Variants in CALCRL observed in about 807,000 individuals in gnomAD.
CALCRL encodes calcitonin receptor like receptor.
CALCRL carries 27 observed loss-of-function variants against 60.4 expected under a neutral mutation model. The ratio of observed to expected loss-of-function variants is 0.45; its 90% CI spans 0.33 to 0.62. The LOEUF (loss-of-function observed/expected upper bound fraction) is 0.62. Ranked by LOEUF, CALCRL falls within the 20% of genes least tolerant of loss-of-function variation. CALCRL has a pLI of 0.03. For missense variants in CALCRL, 424 were observed against 540.7 expected, an observed-to-expected ratio of 0.78 and a Z score of 2.14; for synonymous variants, 190 against 182.6, an observed-to-expected ratio of 1.04 and a Z score of -0.33.
intron 1 of CALCRL, among the ~76,000 whole-genome samples, chr2:187,437,480 C>T (rs1462855836): frequency 6.6e-6 from 1 of 152,138 alleles, no homozygotes; most frequent in Non-Finnish European, 1.5e-5. Context: ...GTGCCTTTTA[C>T]ATTATTTCAT....
intron 5 of CALCRL, among the ~76,000 whole-genome samples, chr2:187,381,786 T>A (rs1016979112): frequency 2.0e-5 from 3 of 152,140 alleles, no homozygotes; most frequent in African/African-American, 7.2e-5. Flanking sequence ...CAGATAGAGA[T>A]AGAACCTTGA....
chr2:187,371,921 T>C (rs1687543294), intron 8 of CALCRL, among the ~76,000 whole-genome samples: 1 of 152,170 alleles, frequency 6.6e-6, no homozygotes, highest in African/African-American at 2.4e-5. Context: ...TCATTTGTAC[T>C]GAGAAGCAGA....
intron 14 of CALCRL, among the ~76,000 whole-genome samples, chr2:187,350,516 A>G (rs1686480502): frequency 7.9e-6 from 1 of 125,878 alleles, no homozygotes; most frequent in Non-Finnish European, 1.9e-5. Context: ...TAAATGTATG[A>G]AATATAGTCT....
chr2:187,354,823 A>T (rs922771456), intron 12 of CALCRL, among the ~76,000 whole-genome samples: 2 of 150,162 alleles, frequency 1.3e-5, no homozygotes, highest in East Asian at 4.0e-4. Context: ...AGTGTAGATG[A>T]CGTTACATTT....
chr2:187,411,535 GA>G (rs200113512), intron 1 of CALCRL, among the ~76,000 whole-genome samples: 17 of 151,382 alleles, frequency 1.1e-4, no homozygotes, highest in African/African-American at 3.1e-4. Flanking sequence ...TTTTAACTGA[GA>G]AAAAAAAATT....
rs1448475630 is a variant in CALCRL at position 187,419,748 on chromosome 2, T to G, written c.-293+28291A>C. On this transcript the variant is annotated intron_variant, in intron 1 of 14. Transcript: ENST00000392370. ...AGCAACTTATGTTAACTGAAGAAAATGCTTACTGAATATGAAGTTAAAGTA... is the reference window on the plus strand; with the variant it reads ...AGCAACTTATGTTAACTGAAGAAAAGGCTTACTGAATATGAAGTTAAAGTA... Among the ~76,000 whole-genome samples, 3 of 152,170 alleles carry G rather than the reference T, an allele frequency of 2.0e-5. No individual in the cohort carries two copies. The East Asian group carries it at 5.8e-4, about 29-fold the overall frequency.
chr2:187,411,939 A>T (rs1450214811), intron 1 of CALCRL, among the ~76,000 whole-genome samples: 1 of 142,774 alleles, frequency 7.0e-6, no homozygotes, highest in Admixed American at 7.5e-5. Flanking sequence ...GAGCTTGCAG[A>T]CTGCACTCCA....
chr2:187,344,623 G>GT lies in CALCRL; in HGVS notation c.*1560dup, dbSNP rs1264661996. The GT allele has an allele frequency of 6.6e-6, 1 of 151,580 alleles. No homozygotes were observed. Among genetic ancestry groups the GT allele is most frequent in the African/African-American group, 2.4e-5 (1 of 41,382 alleles). 9.4% of individuals were successfully genotyped at this position (151,580 alleles called of 1,614,324 possible). ...TTTAATAAAGTCTGACAATAATTCA[G>GT]TAAGATCTGACAATAATTTTTTCTC... On this transcript the variant is annotated 3_prime_UTR_variant, in exon 15 of 15. Coordinates refer to ENST00000392370, the MANE Select transcript of CALCRL (RefSeq NM_005795.6).
chr2:187,349,237 A>G (rs959019484), intron 14 of CALCRL, among the ~76,000 whole-genome samples: 1 of 151,648 alleles, frequency 6.6e-6, no homozygotes, highest in Admixed American at 6.6e-5. Flanking sequence ...GTCTGAGGGC[A>G]CTAGGGATAA....
chr2:187,346,515 A>C, intron 14 of CALCRL, 116 bp from the exon 15 acceptor site: 1 of 670,166 alleles, frequency 1.5e-6, no homozygotes, highest in Non-Finnish European at 2.5e-6. Context: ...AAAAAAAGTT[A>C]TGTTAATCAG....
At chr2:187,369,287 T>G (rs991050662) in intron 8 of CALCRL, among the ~76,000 whole-genome samples, 2 of 152,100 alleles carry the variant, frequency 1.3e-5, no homozygotes, top group Non-Finnish European at 2.9e-5. Context: ...GAGAAGAAAG[T>G]CTTTCTGAAT....
intron 1 of CALCRL, among the ~76,000 whole-genome samples, chr2:187,447,054 C>G (rs1691223759): frequency 6.6e-6 from 1 of 152,000 alleles, no homozygotes; most frequent in South Asian, 2.1e-4. Context: ...TCTACACAAA[C>G]AATTTATTAA....
intron 1 of CALCRL, among the ~76,000 whole-genome samples, chr2:187,406,702 G>T (rs768105461): frequency 4.6e-5 from 7 of 151,958 alleles, no homozygotes; most frequent in Non-Finnish European, 1.0e-4. Flanking sequence ...ATGTGGTTTG[G>T]TCACTTTTTG....
intron 14 of CALCRL, 84 bp from the exon 15 acceptor site, chr2:187,346,483 G>A (rs946131255): frequency 2.2e-6 from 2 of 894,012 alleles, no homozygotes; most frequent in South Asian, 3.4e-5. Flanking sequence ...CAATTAAATA[G>A]GTCTTGGAGA....
Position 187,380,515 on chromosome 2 carries a change from T to C in CALCRL, c.360A>G (p.Thr120=). ...CATTACACTGGGTATAATTTGTCCA[T>C]GTTCTGTTGCTTGCTGGATGTCTAA... ...NWFRHPASNR[T]WTNYTQCNVN... Residue 120 remains threonine, a synonymous_variant, in exon 7 of 15, where the codon ACA becomes ACG. Coordinates refer to ENST00000392370, the MANE Select transcript of CALCRL (RefSeq NM_005795.6). 2 of 1,613,392 alleles carry C rather than the reference T, an allele frequency of 1.2e-6. No individual in the cohort carries two copies. Among genetic ancestry groups the C allele is most frequent in the Non-Finnish European group, 8.5e-7 (1 of 1,179,352 alleles).
chr2:187,446,336 A>C (rs923213181), intron 1 of CALCRL, among the ~76,000 whole-genome samples: 1 of 151,684 alleles, frequency 6.6e-6, no homozygotes, highest in African/African-American at 2.4e-5. Context: ...ATGTCCTCAA[A>C]TATTTCCTTT....
chr2:187,430,040 T>C (rs1166705966), intron 1 of CALCRL, among the ~76,000 whole-genome samples: 1 of 152,162 alleles, frequency 6.6e-6, no homozygotes, highest in Non-Finnish European at 1.5e-5. Context: ...TAAGCAAACT[T>C]TGGGCCTTTT....
At position 187,422,465 on chromosome 2, in the gene CALCRL, G is replaced by A. The variant is rs939531340; in HGVS notation, c.-293+25574C>T. Among the ~76,000 whole-genome samples, 45 of 152,078 alleles carry A rather than the reference G, an allele frequency of 3.0e-4. 1 individual carries two copies. The highest frequency in any genetic ancestry group is 1.0e-3 in the African/African-American group (43 of 41,432). On this transcript the variant is annotated intron_variant, in intron 1 of 14. Transcript: ENST00000392370. ...TAACTTGACTAATTCAATGGACAAT[G>A]GATTGGATATGAATCTAAAATGAGG...
intron 1 of CALCRL, among the ~76,000 whole-genome samples, chr2:187,435,291 C>T (rs990007989): frequency 3.3e-5 from 5 of 152,030 alleles, no homozygotes; most frequent in African/African-American, 9.7e-5. Context: ...CTCGTGGCAA[C>T]AGAGGGAGCA....
Sources: gnomAD v4.1 joint callset for allele counts (sites outside exome capture counted in the v4.1 genomes callset) on GRCh38, gnomAD v4.1.1 for gene constraint, MANE v1.5 for transcripts, NCBI Gene and HGNC (gene_info 2026-07-23, HGNC 2026-07-21) for gene names.